RASEF: variants seen among roughly 807,000 people sequenced by gnomAD.
RASEF encodes the protein RAS and EF-hand domain containing, also known as ras and EF-hand domain-containing protein.
In RASEF, 68 loss-of-function variants were observed where a neutral mutation model predicts 90.1. The observed-to-expected ratio is 0.75, with a 90% CI of 0.62 to 0.92. The LOEUF (loss-of-function observed/expected upper bound fraction) is 0.92, where lower values mean the gene tolerates loss of function less well. RASEF is among the 40% of genes least tolerant of loss of function. The probability of loss-of-function intolerance (pLI) is 0.00; values close to 1 mark genes in which losing one functional copy is unlikely to be tolerated. For synonymous variants in RASEF, 331 were observed against 345.2 expected (o/e 0.96, Z 0.46); for missense variants, 949 against 937.2 (o/e 1.01, Z -0.16).
the RASEF span, among the ~76,000 whole-genome samples, chr9:83,218,857 G>A: frequency 6.6e-6 from 1 of 152,148 alleles, no homozygotes; most frequent in Non-Finnish European, 1.5e-5. Context: ...CTATCCCAGC[G>A]TGGACATTTA....
At chr9:83,122,335 G>C in the RASEF span, among the ~76,000 whole-genome samples, 1 of 152,230 alleles carries the variant, frequency 6.6e-6, no homozygotes, top group Non-Finnish European at 1.5e-5. Context: ...TCTTTGATCA[G>C]GGCATAATCA....
At chr9:83,180,529 T>C in the RASEF span, among the ~76,000 whole-genome samples, 1 of 151,840 alleles carries the variant, frequency 6.6e-6, no homozygotes, top group Admixed American at 6.6e-5. Flanking sequence ...CTTTCATAAA[T>C]ATTTAGTCAA....
chr9:83,013,430 A>C (rs1267842460), intron 4 of RASEF, among the ~76,000 whole-genome samples: 1 of 152,166 alleles, frequency 6.6e-6, no homozygotes, highest in Non-Finnish European at 1.5e-5. Flanking sequence ...CACGAGGCTG[A>C]CTCTGACTGA....
intron 3 of RASEF, among the ~76,000 whole-genome samples, chr9:83,021,576 A>G (rs1229895839): frequency 6.6e-6 from 1 of 152,240 alleles, no homozygotes; most frequent in Non-Finnish European, 1.5e-5. Flanking sequence ...TCAGCCCTTC[A>G]TATCCACAAG....
chr9:83,054,918 G>C (rs924040612), intron 1 of RASEF: 2 of 150,508 alleles, frequency 1.3e-5, no homozygotes, highest in African/African-American at 5.0e-5. Context: ...ATCTCCATCT[G>C]CGTGCTGGGA....
chr9:83,033,585 G>A (rs1376606609), intron 1 of RASEF, among the ~76,000 whole-genome samples: 1 of 152,198 alleles, frequency 6.6e-6, no homozygotes, highest in Non-Finnish European at 1.5e-5. Context: ...GGGGGTCGGC[G>A]GGGATGTCCC....
chr9:83,035,148 A>C (rs952507081), intron 1 of RASEF, among the ~76,000 whole-genome samples: 1 of 152,214 alleles, frequency 6.6e-6, no homozygotes, highest in African/African-American at 2.4e-5. Flanking sequence ...GTCAGTCTGC[A>C]AAAGTTATAG....
At position 83,006,062 on chromosome 9, in the gene RASEF, C is replaced by T. The variant is rs531543583; in HGVS notation, c.1029-562G>A. On this transcript the variant is annotated intron_variant, in intron 7 of 16. Transcript: ENST00000376447. ...GTCATTCAAGCTGTCAGAGCTTCAG[C>T]GCCCTCTTGTACAGCAAAGCTATGA... is the stretch of plus-strand genomic sequence containing the variant. Among the ~76,000 whole-genome samples the T allele has an allele frequency of 1.2e-3, 183 of 152,288 alleles. 2 individuals are homozygous for T. Among genetic ancestry groups the T allele is most frequent in the Non-Finnish European group, 5.4e-4 (37 of 68,024 alleles).
chr9:83,166,273 C>CAA, the RASEF span, among the ~76,000 whole-genome samples: 1 of 152,050 alleles, frequency 6.6e-6, no homozygotes, highest in Non-Finnish European at 1.5e-5. Context: ...AAAATATCAC[C>CAA]AAACTGGATA....
At chr9:83,166,589 C>A in the RASEF span, among the ~76,000 whole-genome samples, 12,380 of 152,132 alleles carry the variant, frequency 0.081, 692 homozygotes, top group African/African-American at 0.16. Flanking sequence ...TGTGGCGGTA[C>A]GGTTTCATTG....
Position 82,982,609 on chromosome 9 carries a change from A to G in RASEF, c.*68T>C, listed in dbSNP as rs182437877. Reference sequence around the variant, plus strand: ...CAGTAGGATGTGCCACTCTGTTAAGAGCCAAATAAGTCACACAAATTCAGT... The same window carrying G: ...CAGTAGGATGTGCCACTCTGTTAAGGGCCAAATAAGTCACACAAATTCAGT... On this transcript the variant is annotated 3_prime_UTR_variant, in exon 17 of 17. Coordinates refer to ENST00000376447, the MANE Select transcript of RASEF (RefSeq NM_152573.4). The G allele has an allele frequency of 5.5e-6, 5 of 904,778 alleles. No homozygotes were observed. The East Asian group carries it at 9.7e-5, about 18-fold the overall frequency. 56.0% of individuals were successfully genotyped at this position (904,778 alleles called of 1,614,324 possible).
At chr9:83,203,238 T>C in the RASEF span, among the ~76,000 whole-genome samples, 1 of 152,098 alleles carries the variant, frequency 6.6e-6, no homozygotes, top group Non-Finnish European at 1.5e-5. Flanking sequence ...GACTTGGTCT[T>C]GCCCTTGTAG....
At chr9:83,091,999 A>ATTTTTTTTTTTT in the RASEF span, among the ~76,000 whole-genome samples, 2 of 17,240 alleles carry the variant, frequency 1.2e-4, no homozygotes, top group African/African-American at 2.4e-4. Flanking sequence ...TTTTTCTTTT[A>ATTTTTTTTTTTT]TTTCTTTTTT....
chr9:83,108,131 T>C, the RASEF span, among the ~76,000 whole-genome samples: 1 of 152,152 alleles, frequency 6.6e-6, no homozygotes, highest in Non-Finnish European at 1.5e-5. Flanking sequence ...GTGATGGAAA[T>C]GTTCTATACC....
At chr9:83,130,250 C>A in the RASEF span, among the ~76,000 whole-genome samples, 1 of 151,998 alleles carries the variant, frequency 6.6e-6, no homozygotes, top group African/African-American at 2.4e-5. Flanking sequence ...TTTTTTAAGA[C>A]TTTATCTTTT....
At chr9:83,210,555 A>G in the RASEF span, among the ~76,000 whole-genome samples, 5 of 152,196 alleles carry the variant, frequency 3.3e-5, no homozygotes, top group Non-Finnish European at 7.3e-5. Context: ...ATGTAGTATC[A>G]TCTACCATAT....
the RASEF span, among the ~76,000 whole-genome samples, chr9:83,161,904 G>C: frequency 6.6e-6 from 1 of 152,042 alleles, no homozygotes; most frequent in Admixed American, 6.5e-5. Context: ...CTGCCACCAA[G>C]TGAGATGTGA....
chr9:83,075,489 G>A, the RASEF span, among the ~76,000 whole-genome samples: 2 of 152,164 alleles, frequency 1.3e-5, no homozygotes, highest in African/African-American at 2.4e-5. Context: ...TGATAGGCAT[G>A]TCAACATTTC....
chr9:83,042,941 C>T (rs1829867137), intron 1 of RASEF, among the ~76,000 whole-genome samples: 1 of 152,210 alleles, frequency 6.6e-6, no homozygotes, highest in Non-Finnish European at 1.5e-5. Flanking sequence ...AAACACTCCA[C>T]ACGGTAACTT....
Sources: allele counts gnomAD v4.1 joint callset (sites outside exome capture counted in the v4.1 genomes callset), GRCh38; gene constraint gnomAD v4.1.1; transcripts MANE v1.5; gene names NCBI Gene and HGNC (gene_info 2026-07-23, HGNC 2026-07-21).